Variants in NRG1 observed in about 807,000 individuals in gnomAD.
NRG1 encodes pro-neuregulin-1, membrane-bound isoform.
NRG1 carries 18 observed loss-of-function variants against 63.8 expected under a neutral mutation model. The ratio of observed to expected loss-of-function variants is 0.28; its 90% CI spans 0.19 to 0.42. The LOEUF is 0.42. Ranked by LOEUF, NRG1 falls within the 10% of genes least tolerant of loss-of-function variation. The pLI, the probability that NRG1 is intolerant of heterozygous loss-of-function variation, is 1.00. For synonymous variants in NRG1, 302 were observed against 301.3 expected (o/e 1.00, Z -0.02); for missense variants, 762 against 814.7 (o/e 0.94, Z 0.79).
intron 1 of NRG1, among the ~76,000 whole-genome samples, chr8:32,452,375 G>A (rs1821068755): frequency 6.6e-6 from 1 of 151,964 alleles, no homozygotes; most frequent in Admixed American, 6.6e-5. Flanking sequence ...TTTGAGTTGG[G>A]CCTTACGTTG....
intron 1 of NRG1, among the ~76,000 whole-genome samples, chr8:32,225,481 T>C (rs921686302): frequency 1.3e-5 from 2 of 152,050 alleles, no homozygotes; most frequent in African/African-American, 4.8e-5. Context: ...TTAGGGCAAA[T>C]GGTTTTAGTT....
chr8:32,446,383 G>A (rs1218068261), intron 1 of NRG1, among the ~76,000 whole-genome samples: 6 of 152,148 alleles, frequency 3.9e-5, no homozygotes, highest in Admixed American at 6.5e-5. Flanking sequence ...GACTAGGCAC[G>A]ATGGCTCATG....
intron 5 of NRG1, among the ~76,000 whole-genome samples, chr8:32,664,704 A>G (rs933932373): frequency 6.6e-6 from 1 of 152,174 alleles, no homozygotes; most frequent in African/African-American, 2.4e-5. Flanking sequence ...ATGGGATGCC[A>G]TGCATGAGTC....
At chr8:32,132,759 T>C (rs1217810594) in intron 1 of NRG1, among the ~76,000 whole-genome samples, 1 of 152,144 alleles carries the variant, frequency 6.6e-6, no homozygotes, top group Non-Finnish European at 1.5e-5. Flanking sequence ...TTTAAATCTA[T>C]GCACCAGTGC....
intron 1 of NRG1, among the ~76,000 whole-genome samples, chr8:32,490,794 T>C (rs1826467091): frequency 6.6e-6 from 1 of 152,192 alleles, no homozygotes; most frequent in African/African-American, 2.4e-5. Context: ...CCTAAAAAAG[T>C]AGCCAAGTTT....
chr8:31,805,557 G>A (rs1402337459), intron 1 of NRG1, among the ~76,000 whole-genome samples: 1 of 151,992 alleles, frequency 6.6e-6, no homozygotes, highest in African/African-American at 2.4e-5. Context: ...GGCCGGGCGC[G>A]GTGGCTCACG....
chr8:31,958,667 G>GA (rs1804885638), intron 1 of NRG1, among the ~76,000 whole-genome samples: 1 of 152,206 alleles, frequency 6.6e-6, no homozygotes, highest in Non-Finnish European at 1.5e-5. Context: ...GCAGAAGAGG[G>GA]AAATGAGCCT....
chr8:32,293,206 A>G (rs1854417182), intron 1 of NRG1, among the ~76,000 whole-genome samples: 1 of 152,230 alleles, frequency 6.6e-6, no homozygotes, highest in Admixed American at 6.5e-5. Flanking sequence ...ATGATAAAAT[A>G]TATGATTTAG....
chr8:32,721,433 C>T (rs1240514877), intron 5 of NRG1, among the ~76,000 whole-genome samples: 1 of 152,146 alleles, frequency 6.6e-6, no homozygotes, highest in Non-Finnish European at 1.5e-5. Context: ...TTAGCTAAGT[C>T]CTGAGCTCCA....
At chr8:32,680,480 T>C (rs1808316090) in intron 5 of NRG1, among the ~76,000 whole-genome samples, 1 of 152,182 alleles carries the variant, frequency 6.6e-6, no homozygotes, top group African/African-American at 2.4e-5. Context: ...TATTGAGGCA[T>C]GATCCAGTTT....
intron 1 of NRG1, among the ~76,000 whole-genome samples, chr8:32,519,398 A>C (rs1388042773): frequency 1.3e-5 from 2 of 151,508 alleles, no homozygotes; most frequent in Admixed American, 1.3e-4. Context: ...TTATTTCATT[A>C]AGCTAAATGT....
intron 1 of NRG1, among the ~76,000 whole-genome samples, chr8:32,500,820 C>A (rs982004559): frequency 2.0e-5 from 3 of 152,138 alleles, no homozygotes; most frequent in Non-Finnish European, 2.9e-5. Flanking sequence ...AGCAAGGTTT[C>A]AATCAAAAAG....
chr8:31,897,201 A>G (rs914268092), intron 1 of NRG1, among the ~76,000 whole-genome samples: 13 of 152,284 alleles, frequency 8.5e-5, no homozygotes, highest in African/African-American at 3.1e-4. Context: ...AGTTAACCTG[A>G]AAAACTAGTT....
At chr8:31,826,017 A>C (rs1057082642) in intron 1 of NRG1, among the ~76,000 whole-genome samples, 3 of 152,040 alleles carry the variant, frequency 2.0e-5, no homozygotes, top group Non-Finnish European at 4.4e-5. Context: ...AGAAAAGTTC[A>C]CCTCCTTCAT....
chr8:31,869,416 C>T (rs80200473), intron 1 of NRG1, among the ~76,000 whole-genome samples: 1,812 of 152,282 alleles, frequency 0.012, 41 homozygotes, highest in African/African-American at 0.042. Context: ...AGAGTCATCT[C>T]TGATGCAGCC....
At chr8:32,331,472 AGTGAGTT>A (rs1207468429) in intron 1 of NRG1, among the ~76,000 whole-genome samples, 1 of 151,918 alleles carries the variant, frequency 6.6e-6, no homozygotes, top group Non-Finnish European at 1.5e-5. Context: ...TTGAGGCTGC[AGTGAGTT>A]GTGATCATAC....
intron 1 of NRG1, among the ~76,000 whole-genome samples, chr8:31,968,819 G>A (rs1374220046): frequency 6.6e-6 from 1 of 152,102 alleles, no homozygotes; most frequent in African/African-American, 2.4e-5. Context: ...GCATAAATGT[G>A]GCAATTGACA....
intron 1 of NRG1, among the ~76,000 whole-genome samples, chr8:32,373,560 G>A (rs563722424): frequency 2.0e-5 from 3 of 152,110 alleles, no homozygotes; most frequent in Non-Finnish European, 4.4e-5. Flanking sequence ...TAATGGGATG[G>A]TATTAAGTAA....
At chr8:32,346,510 G>A (rs1443037769) in intron 1 of NRG1, among the ~76,000 whole-genome samples, 1 of 150,610 alleles carries the variant, frequency 6.6e-6, no homozygotes, top group Non-Finnish European at 1.5e-5. Context: ...GCCCCAGAAT[G>A]GAAATTTCTT....
Sources: allele counts gnomAD v4.1 joint callset (sites outside exome capture counted in the v4.1 genomes callset), GRCh38; gene constraint gnomAD v4.1.1; transcripts MANE v1.5; gene names NCBI Gene and HGNC (gene_info 2026-07-23, HGNC 2026-07-21).